The following USP34 variants were observed in gnomAD, a reference collection of about 807,000 sequenced individuals.
USP34 encodes ubiquitin carboxyl-terminal hydrolase 34.
Under a neutral mutation model 460.3 loss-of-function variants are expected in USP34, and 70 were observed. That is an observed-to-expected ratio of 0.15 (90% confidence interval 0.13 to 0.19). The LOEUF (loss-of-function observed/expected upper bound fraction) is 0.19, where lower values mean the gene tolerates loss of function less well. Among genes scored for constraint, USP34 ranks in the 10% least tolerant of loss-of-function variants. The pLI, the probability that USP34 is intolerant of heterozygous loss-of-function variation, is 1.00. For synonymous variants in USP34, 1,647 were observed against 1,405.3 expected, an observed-to-expected ratio of 1.17 and a Z score of -3.85; for missense variants, 3,985 against 4,236.2, an observed-to-expected ratio of 0.94 and a Z score of 1.65.
chr2:61,258,509 A>T (rs1330925485), intron 44 of USP34, among the ~76,000 whole-genome samples: 1 of 152,150 alleles, frequency 6.6e-6, no homozygotes, highest in Non-Finnish European at 1.5e-5. Context: ...CTGACTCTTG[A>T]AAAATGAACA....
chr2:61,388,247 AAAT>A (rs777469538), intron 5 of USP34, among the ~76,000 whole-genome samples: 17 of 152,200 alleles, frequency 1.1e-4, no homozygotes, highest in Middle Eastern at 3.4e-3. Flanking sequence ...CTGTCTCAAA[AAAT>A]AATAAAATCA....
intron 1 of USP34, among the ~76,000 whole-genome samples, chr2:61,433,281 T>C (rs970629543): frequency 5.3e-5 from 8 of 152,126 alleles, no homozygotes; most frequent in Admixed American, 1.3e-4. Flanking sequence ...AGGGAAAAAG[T>C]AAGCAGAAGA....
At chr2:61,387,159 G>A (rs1693172273) in intron 5 of USP34, among the ~76,000 whole-genome samples, 1 of 151,966 alleles carries the variant, frequency 6.6e-6, no homozygotes, top group African/African-American at 2.4e-5. Flanking sequence ...ATTCTCATTA[G>A]TCGTTAGAAA....
chr2:61,229,570 A>C lies in USP34; in HGVS notation c.7177T>G (p.Leu2393Val). 6.2e-7 allele frequency: 1 copy of C among 1,611,208 alleles called. No homozygotes were observed. Among genetic ancestry groups the C allele is most frequent in the South Asian group, 1.1e-5 (1 of 90,704 alleles). ...RLRPVHAHLYLQPGMEDGSDD... is the reference protein window; with the variant it reads ...RLRPVHAHLYVQPGMEDGSDD... ...TACCCATCTTCCATTCCTGGCTGCA[A>C]ATAGAGATGAGCATGCACAGGTCTC... Residue 2393 changes from leucine to valine, a missense_variant, in exon 59 of 80, where the codon TTG becomes GTG. By Grantham distance (32) the Leu-to-Val change is conservative. Coordinates refer to ENST00000398571, the MANE Select transcript of USP34 (RefSeq NM_014709.4).
intron 1 of USP34, among the ~76,000 whole-genome samples, chr2:61,447,755 G>A (rs1002434452): frequency 5.3e-5 from 8 of 151,882 alleles, no homozygotes; most frequent in Non-Finnish European, 8.8e-5. Context: ...TCACTCTGTC[G>A]CCTAGGCTGG....
intron 41 of USP34, among the ~76,000 whole-genome samples, chr2:61,267,050 G>T (rs555831465): frequency 1.3e-5 from 2 of 152,142 alleles, no homozygotes; most frequent in African/African-American, 2.4e-5. Flanking sequence ...TCAAGAGAAC[G>T]TTCTTGGTAT....
intron 15 of USP34, among the ~76,000 whole-genome samples, chr2:61,347,168 A>G (rs1314990666): frequency 6.6e-6 from 1 of 152,138 alleles, no homozygotes; most frequent in African/African-American, 2.4e-5. Flanking sequence ...AAAACAAATA[A>G]ATCAATAAAT....
At chr2:61,312,137 A>C (rs1288569879) in intron 25 of USP34, among the ~76,000 whole-genome samples, 1 of 152,002 alleles carries the variant, frequency 6.6e-6, no homozygotes, top group Admixed American at 6.6e-5. Flanking sequence ...ACGAGAAATT[A>C]CTGAGGAAAA....
chr2:61,346,431 C>A (rs1467915411), intron 15 of USP34: 17 of 145,550 alleles, frequency 1.2e-4, no homozygotes, highest in Admixed American at 1.1e-3. Context: ...AAAGCTGAGG[C>A]AGGAGGATTG....
At chr2:61,407,199 A>G (rs1318949444) in intron 2 of USP34, among the ~76,000 whole-genome samples, 2 of 152,204 alleles carry the variant, frequency 1.3e-5, no homozygotes, top group Non-Finnish European at 2.9e-5. Context: ...AACCCAGGGC[A>G]ACATAATGAG....
rs1687338753 is a variant in USP34, at chr2:61,214,045, A to G, written c.8682+15T>C. On this transcript the variant is annotated intron_variant, in intron 68 of 79. Transcript: ENST00000398571. ...TATTTGAGGATACAGATAAAAGAGT[A>G]TCAATTTTACTCACTCCAGGGTATT... is the stretch of plus-strand genomic sequence containing the variant. 1 of 1,613,486 alleles carries G rather than the reference A, an allele frequency of 6.2e-7. No individual in the cohort carries two copies. The highest frequency in any genetic ancestry group is 8.5e-7 in the Non-Finnish European group (1 of 1,179,824).
chr2:61,222,844 T>C (rs1234814279), intron 64 of USP34, 181 bp from the exon 65 acceptor site: 5 of 682,504 alleles, frequency 7.3e-6, no homozygotes, highest in African/African-American at 1.8e-5. Flanking sequence ...TACAGGCATG[T>C]GCCACTACAC....
chr2:61,455,860 C>T (rs1695422432), intron 1 of USP34, among the ~76,000 whole-genome samples: 1 of 152,146 alleles, frequency 6.6e-6, no homozygotes, highest in African/African-American at 2.4e-5. Flanking sequence ...AGAATATCCT[C>T]ATCTCCAAAT....
At position 61,245,237 on chromosome 2, in the gene USP34, T is replaced by A. The variant is rs760729430; in HGVS notation, c.6600A>T (p.Ala2200=). 3.8e-5 allele frequency: 61 copies of A among 1,610,504 alleles called. No homozygotes were observed. The highest frequency in any genetic ancestry group is 5.0e-5 in the Non-Finnish European group (59 of 1,178,450). The part of the protein sequence containing the change: ...EVKPFDSAQL[A]SECFGGEMTT... ...TCATCTCTCCACCAAAACATTCAGA[T>A]GCAAGTTGAGCAGAATCAAAAGGTT... Residue 2200 remains alanine (A), a synonymous_variant, in exon 51 of 80, where the codon GCA becomes GCT. Transcript: ENST00000398571.
At chr2:61,431,518 A>C (rs1694674391) in intron 1 of USP34, among the ~76,000 whole-genome samples, 1 of 152,184 alleles carries the variant, frequency 6.6e-6, no homozygotes, top group Admixed American at 6.5e-5. Context: ...TGAGTCACTG[A>C]TCCTGGCTTT....
intron 1 of USP34, among the ~76,000 whole-genome samples, chr2:61,459,413 A>G (rs911797416): frequency 6.6e-6 from 1 of 152,234 alleles, no homozygotes; most frequent in Admixed American, 6.5e-5. Context: ...TGTGTTAAAT[A>G]TAATTCATCA....
chr2:61,233,373 G>C (rs977737869), intron 57 of USP34, among the ~76,000 whole-genome samples: 1 of 151,514 alleles, frequency 6.6e-6, no homozygotes, highest in African/African-American at 2.4e-5. Context: ...AAATGGCATG[G>C]AGAAAAAAAA....
At chr2:61,189,520 C>T (rs374811391) in intron 78 of USP34, 11 of 153,650 alleles carry the variant, frequency 7.2e-5, no homozygotes, top group Middle Eastern at 3.3e-3. Context: ...CGTTATCCAC[C>T]GGCCTCGACC....
In USP34 at chr2:61,347,923, A is replaced by T; in HGVS notation, c.2232T>A (p.Phe744Leu). 1 of 1,613,998 alleles carries T rather than the reference A, an allele frequency of 6.2e-7. No homozygotes were observed. Among genetic ancestry groups the T allele is most frequent in the Non-Finnish European group, 8.5e-7 (1 of 1,179,992 alleles). ...GGTGGTGGTGATGCTGTGGACCAATAAATTGTCGACAATTAAATAATTCAT... is the reference window on the plus strand; with the variant it reads ...GGTGGTGGTGATGCTGTGGACCAATTAATTGTCGACAATTAAATAATTCAT... ...IGNELFNCRQ[F>L]IGPQHHHHHH... Residue 744 changes from phenylalanine (F) to leucine (L), a missense_variant, in exon 15 of 80, where the codon TTT becomes TTA. Around this residue, in one of 14 missense-constraint regions of USP34, gnomAD observed 716 missense variants for 626.2 expected, o/e 1.14. Coordinates refer to ENST00000398571, the MANE Select transcript of USP34 (RefSeq NM_014709.4).
Sources: gnomAD v4.1 joint callset for allele counts (sites outside exome capture counted in the v4.1 genomes callset) on GRCh38, gnomAD v4.1.1 for gene constraint, gnomAD v4.1.1 regional missense constraint, MANE v1.5 for transcripts, NCBI Gene and HGNC (gene_info 2026-07-23, HGNC 2026-07-21) for gene names.